GABRG3: variants seen among roughly 807,000 people sequenced by gnomAD.
The protein encoded by GABRG3 is gamma-aminobutyric acid type A receptor subunit gamma3.
Under a neutral mutation model 48.8 loss-of-function variants are expected in GABRG3, and 25 were observed. The observed-to-expected ratio is 0.51, with a 90% confidence interval of 0.37 to 0.72. GABRG3 has a LOEUF of 0.72. GABRG3 is among the 30% of genes least tolerant of loss of function. GABRG3 has a pLI of 0.00. For missense variants in GABRG3, 394 were observed against 577.9 expected (o/e 0.68, Z 3.26); for synonymous variants, 227 against 217.6 (o/e 1.04, Z -0.38).
intron 3 of GABRG3, among the ~76,000 whole-genome samples, chr15:27,075,820 G>A (rs1250373553): frequency 1.3e-5 from 2 of 152,198 alleles, no homozygotes; most frequent in African/African-American, 4.8e-5. Context: ...CAAGTCCTCT[G>A]TCAGATCATG....
intron 5 of GABRG3, among the ~76,000 whole-genome samples, chr15:27,383,046 A>G (rs532664860): frequency 6.6e-6 from 1 of 152,122 alleles, no homozygotes; most frequent in Non-Finnish European, 1.5e-5. Flanking sequence ...GGTGTAAGTG[A>G]AGGGAGAAGA....
chr15:27,460,122 A>G (rs1889403956), intron 5 of GABRG3, among the ~76,000 whole-genome samples: 1 of 152,246 alleles, frequency 6.6e-6, no homozygotes, highest in African/African-American at 2.4e-5. Context: ...GGATAAATTT[A>G]AGTATTATAA....
Position 27,257,839 on chromosome 15 carries a change from A to G in GABRG3, c.271-68970A>G, listed in dbSNP as rs570216000. Among the ~76,000 whole-genome samples the G allele has an allele frequency of 3.3e-5, 5 of 150,942 alleles. No homozygotes were observed. The South Asian group carries it at 1.1e-3, about 32-fold the overall frequency. On this transcript the variant is annotated intron_variant, in intron 3 of 9. Coordinates refer to ENST00000615808, the MANE Select transcript of GABRG3 (RefSeq NM_033223.5). ...ATTTTTTTTTTTTTTAACTTTTTAT[A>G]GAGATGAGGTCCTGCTATGTTCCTC...
At chr15:27,026,949 C>A in intron 3 of GABRG3, 128 bp downstream of exon 3, 1 of 548,362 alleles carries the variant, frequency 1.8e-6, no homozygotes, top group South Asian at 3.7e-5. Flanking sequence ...AAATCTGTAA[C>A]ACTTATTGGA....
At chr15:27,513,645 C>G (rs111855881) in intron 6 of GABRG3, among the ~76,000 whole-genome samples, 1 of 151,004 alleles carries the variant, frequency 6.6e-6, no homozygotes, top group African/African-American at 2.4e-5. Context: ...GTTTGTGAGA[C>G]GAGGAAAAGA....
rs1888974833 is a variant in GABRG3 at position 27,447,403 on chromosome 15, G to GAAAATT, written c.575-33247_575-33246insAAAATT. Among the ~76,000 whole-genome samples the GAAAATT allele has an allele frequency of 1.3e-5, 2 of 152,102 alleles. No individual in the cohort carries two copies. The highest frequency in any genetic ancestry group is 2.9e-5 in the Non-Finnish European group (2 of 68,010). On this transcript the variant is annotated intron_variant, in intron 5 of 9. Coordinates refer to ENST00000615808, the MANE Select transcript of GABRG3 (RefSeq NM_033223.5). This position sits in a 1 kb window ranked among gnomAD's most constrained non-coding sequence, Gnocchi z 4.0. ...GCTATGGGAAATGGGGAGTCACTGA[G>GAAAATT]GATTTTAGTCAGAAAAATTGTATAA... is the stretch of plus-strand genomic sequence containing the variant.
chr15:27,103,817 A>G (rs932320668), intron 3 of GABRG3, among the ~76,000 whole-genome samples: 1 of 152,176 alleles, frequency 6.6e-6, no homozygotes, highest in African/African-American at 2.4e-5. Context: ...CAATATCAAT[A>G]GCTTGGGGCA....
chr15:26,986,959 G>A (rs1245048402), intron 2 of GABRG3, among the ~76,000 whole-genome samples: 3 of 152,166 alleles, frequency 2.0e-5, no homozygotes, highest in African/African-American at 4.8e-5. Context: ...GTCTCTAAAC[G>A]AAATAATTAA....
chr15:27,120,806 G>A (rs867179894), intron 3 of GABRG3, among the ~76,000 whole-genome samples: 1 of 152,136 alleles, frequency 6.6e-6, no homozygotes, highest in Non-Finnish European at 1.5e-5. Flanking sequence ...ACATAATATA[G>A]ATATTCACCT....
At chr15:27,515,149 C>T (rs1223327477) in intron 6 of GABRG3, among the ~76,000 whole-genome samples, 4 of 151,744 alleles carry the variant, frequency 2.6e-5, no homozygotes, top group South Asian at 4.1e-4. Flanking sequence ...AGTGGCATTC[C>T]GAGATAGTTC....
rs558084204 is a variant in GABRG3 at position 27,457,502 on chromosome 15, T to C, written c.575-23148T>C. Among the ~76,000 whole-genome samples the C allele has an allele frequency of 2.6e-5, 4 of 152,168 alleles. No homozygotes were observed. The East Asian group carries it at 5.8e-4, about 22-fold the overall frequency. On this transcript the variant is annotated intron_variant, in intron 5 of 9. Coordinates refer to ENST00000615808, the MANE Select transcript of GABRG3 (RefSeq NM_033223.5). The surrounding 1 kb of genome is among the most constrained non-coding windows in gnomAD (Gnocchi z 4.4). Reference sequence around the variant, plus strand: ...GATAAACAATCTTTTAACACAGCAATGGGTCTGGGCTTTAAATGAAGAGCT... The same window carrying C: ...GATAAACAATCTTTTAACACAGCAACGGGTCTGGGCTTTAAATGAAGAGCT...
chr15:27,050,235 A>G (rs1896434782), intron 3 of GABRG3, among the ~76,000 whole-genome samples: 1 of 152,180 alleles, frequency 6.6e-6, no homozygotes, highest in Admixed American at 6.5e-5. Context: ...AAAAGACACA[A>G]TATTTTACTT....
intron 3 of GABRG3, among the ~76,000 whole-genome samples, chr15:27,174,955 G>A (rs1400394341): frequency 6.6e-6 from 1 of 152,076 alleles, no homozygotes; most frequent in Non-Finnish European, 1.5e-5. Context: ...ATTGCTGTTA[G>A]GTCGTCACAG....
intron 3 of GABRG3, among the ~76,000 whole-genome samples, chr15:27,067,209 C>A (rs892872274): frequency 2.0e-5 from 3 of 152,158 alleles, no homozygotes; most frequent in Admixed American, 1.3e-4. Context: ...ACTCCAGGAG[C>A]CGAGTGGACC....
chr15:27,506,136 C>T (rs181960800), intron 6 of GABRG3, among the ~76,000 whole-genome samples: 3 of 152,112 alleles, frequency 2.0e-5, no homozygotes, highest in Non-Finnish European at 4.4e-5. Flanking sequence ...TTCTCTTGCT[C>T]GGACTGTCTA....
In GABRG3 at chr15:27,055,019, T is replaced by TTTGTTTTG. The variant is rs1555400727; in HGVS notation, c.270+28200_270+28201insGTTTTGTT. On this transcript the variant is annotated intron_variant, in intron 3 of 9. Transcript: ENST00000615808. ...GGGCCAAGACCTGTTTTTTTTTTTT[T>TTTGTTTTG]TTTTTTTTAAATGACTTGTCAGCTA... Among the ~76,000 whole-genome samples the TTTGTTTTG allele has an allele frequency of 6.6e-5, 10 of 151,482 alleles. No individual in the cohort carries two copies. In the East Asian group the frequency reaches 7.8e-4, roughly 12 times the overall value.
intron 3 of GABRG3, among the ~76,000 whole-genome samples, chr15:27,324,639 A>AT (rs1169659389): frequency 1.3e-5 from 2 of 152,144 alleles, no homozygotes; most frequent in Non-Finnish European, 2.9e-5. Context: ...TCAAGTAGTC[A>AT]TTTTTCTTCC....
intron 3 of GABRG3, among the ~76,000 whole-genome samples, chr15:27,276,337 C>T (rs181569035): frequency 1.1e-4 from 16 of 152,270 alleles, no homozygotes; most frequent in African/African-American, 3.6e-4. Flanking sequence ...TGACAGATCC[C>T]GAATATGCTG....
At chr15:27,405,853 G>GC (rs1555378543) in intron 5 of GABRG3, among the ~76,000 whole-genome samples, 1 of 151,878 alleles carries the variant, frequency 6.6e-6, no homozygotes, top group South Asian at 2.1e-4. Flanking sequence ...CTAGGACTGG[G>GC]GGAGGGAATA....
Sources: gnomAD v4.1 joint callset for allele counts (sites outside exome capture counted in the v4.1 genomes callset) on GRCh38, gnomAD v4.1.1 for gene constraint, Gnocchi (gnomAD v3.1) non-coding constraint, MANE v1.5 for transcripts, NCBI Gene and HGNC (gene_info 2026-07-23, HGNC 2026-07-21) for gene names.